Variants in PIGU observed in about 807,000 individuals in gnomAD.
PIGU encodes phosphatidylinositol glycan anchor biosynthesis class U.
PIGU carries 24 observed loss-of-function variants against 49.9 expected under a neutral mutation model. That is an observed-to-expected ratio of 0.48 (90% CI 0.35 to 0.68). The LOEUF (loss-of-function observed/expected upper bound fraction) is 0.68, where lower values mean the gene tolerates loss of function less well. Ranked by LOEUF, PIGU falls within the 30% of genes least tolerant of loss-of-function variation. The pLI, the probability that PIGU is intolerant of heterozygous loss-of-function variation, is 0.01. For synonymous variants in PIGU, 220 were observed against 205.7 expected, an observed-to-expected ratio of 1.07 and a Z score of -0.59; for missense variants, 490 against 532.6, an observed-to-expected ratio of 0.92 and a Z score of 0.79.
At chr20:34,661,212 T>C (rs1474376098) in intron 1 of PIGU, among the ~76,000 whole-genome samples, 1 of 152,188 alleles carries the variant, frequency 6.6e-6, no homozygotes, top group African/African-American at 2.4e-5. Context: ...TTATTTTCCT[T>C]TGCAAATTTT....
intron 8 of PIGU, among the ~76,000 whole-genome samples, chr20:34,587,035 G>A (rs951568766): frequency 6.6e-6 from 1 of 152,102 alleles, no homozygotes; most frequent in Admixed American, 6.5e-5. Flanking sequence ...GGCATAAATG[G>A]GTTAATCCCA....
At chr20:34,599,903 A>G (rs897040720) in intron 7 of PIGU, among the ~76,000 whole-genome samples, 5 of 152,150 alleles carry the variant, frequency 3.3e-5, no homozygotes, top group Non-Finnish European at 1.5e-5. Context: ...ATATGTGGCT[A>G]TTCTAATATA....
rs1488959048 is a variant in PIGU at position 34,584,832 on chromosome 20, C to T, written c.926+605G>A. ...CTTCCAGAGTAGCTGGGACTATAGG[C>T]ACCCGCCACTATACCTGGCAAATTT... is the stretch of plus-strand genomic sequence containing the variant. On this transcript the variant is annotated intron_variant, in intron 9 of 11. Transcript: ENST00000217446. Among the ~76,000 whole-genome samples, 3 of 151,814 alleles carry T rather than the reference C, an allele frequency of 2.0e-5. No individual in the cohort carries two copies. In the East Asian group the frequency reaches 5.8e-4, roughly 29 times the overall value.
chr20:34,659,632 T>C (rs1234206638), intron 1 of PIGU, among the ~76,000 whole-genome samples: 16 of 152,104 alleles, frequency 1.1e-4, no homozygotes, highest in Non-Finnish European at 1.6e-4. Context: ...GGGGAAAAGA[T>C]TGAGAAATCG....
intron 7 of PIGU, among the ~76,000 whole-genome samples, chr20:34,596,027 G>A (rs1345279353): frequency 1.3e-5 from 2 of 152,180 alleles, no homozygotes; most frequent in Non-Finnish European, 2.9e-5. Context: ...GCGAGACCCT[G>A]TCTCAAAAAC....
At chr20:34,593,106 G>A (rs2146718563) in intron 7 of PIGU, among the ~76,000 whole-genome samples, 1 of 152,220 alleles carries the variant, frequency 6.6e-6, no homozygotes, top group Middle Eastern at 3.4e-3. Flanking sequence ...GGAACCAGAG[G>A]AGGGTGGATC....
chr20:34,608,510 T>C (rs971549195), intron 7 of PIGU, among the ~76,000 whole-genome samples: 3 of 152,170 alleles, frequency 2.0e-5, no homozygotes, highest in African/African-American at 7.2e-5. Context: ...TGTTAAGACT[T>C]TGAGGACTAT....
rs115971941 is a variant in PIGU at position 34,669,735 on chromosome 20, C to T, written c.130+7221G>A. On this transcript the variant is annotated intron_variant, in intron 1 of 11. Coordinates refer to ENST00000217446, the MANE Select transcript of PIGU (RefSeq NM_080476.5). ...GTCTCTGGATCCAGCTGCCTATTTG[C>T]AGGAAATAGAGATGATAGAGGAACA... is the stretch of plus-strand genomic sequence containing the variant. Among the ~76,000 whole-genome samples the T allele has an allele frequency of 7.2e-3, 1,091 of 150,958 alleles. 15 individuals carry two copies. The highest frequency in any genetic ancestry group is 0.026 in the African/African-American group (1,055 of 41,116).
intron 3 of PIGU, among the ~76,000 whole-genome samples, chr20:34,644,531 T>C (rs1986271109): frequency 6.6e-6 from 1 of 152,218 alleles, no homozygotes; most frequent in Admixed American, 6.5e-5. Flanking sequence ...CTGCTTTGCA[T>C]GCCTGATGTA....
rs541652801 is a variant in PIGU, at chr20:34,656,792, G to A, written c.195+388C>T. On this transcript the variant is annotated intron_variant, in intron 2 of 11. Transcript: ENST00000217446. ...AAAAAAAAAAAAAGCTAATTTTATG[G>A]GTTAAGTAAGTTTTTCTGGGCTTTC... is the stretch of plus-strand genomic sequence containing the variant. Among the ~76,000 whole-genome samples, 33 of 151,946 alleles carry A rather than the reference G, an allele frequency of 2.2e-4. No homozygotes were observed. In the South Asian group the frequency reaches 6.2e-3, roughly 29 times the overall value.
At chr20:34,620,847 T>C (rs1291829802) in intron 6 of PIGU, among the ~76,000 whole-genome samples, 2 of 149,446 alleles carry the variant, frequency 1.3e-5, no homozygotes, top group Admixed American at 6.6e-5. Context: ...AAAAAACAGT[T>C]CCTGACTCAA....
intron 1 of PIGU, among the ~76,000 whole-genome samples, chr20:34,672,981 G>A (rs978337000): frequency 9.2e-5 from 14 of 151,550 alleles, no homozygotes; most frequent in Non-Finnish European, 1.9e-4. Context: ...TCAGCCCGGC[G>A]TGGTGGCTCA....
In PIGU at chr20:34,616,143, TA is replaced by T. The variant is rs1204092890; in HGVS notation, c.530-5del. On this transcript the variant is annotated splice_region_variant and splice_polypyrimidine_tract_variant and intron_variant, in intron 6 of 11. Transcript: ENST00000217446. ...ATAGCACTGAGGAAAGCACTGCCTGTAAAAAGAAAGAAATGTATGGAATAAT... is the reference window on the plus strand; with the variant it reads ...ATAGCACTGAGGAAAGCACTGCCTGTAAAAGAAAGAAATGTATGGAATAAT... The T allele has an allele frequency of 6.2e-7, 1 of 1,611,970 alleles. No individual in the cohort carries two copies.
intron 11 of PIGU, 90 bp from the exon 12 acceptor site, chr20:34,561,069 AGGAACGCCCCTGCCTGGCTCT>A: frequency 2.3e-6 from 2 of 870,346 alleles, no homozygotes; most frequent in Non-Finnish European, 3.6e-6. Context: ...GTTGGAAGAC[AGGAACGCCCCTGCCTGGCTCT>A]GGATCACAAT....
chr20:34,664,280 A>C (rs915827339), intron 1 of PIGU, among the ~76,000 whole-genome samples: 27 of 152,292 alleles, frequency 1.8e-4, no homozygotes, highest in Middle Eastern at 3.4e-3. Context: ...CCTCCCAAGT[A>C]GCTGGGACTA....
chr20:34,587,794 A>G (rs762299354), intron 8 of PIGU, among the ~76,000 whole-genome samples: 8 of 152,164 alleles, frequency 5.3e-5, no homozygotes, highest in Non-Finnish European at 7.4e-5. Context: ...AGATTCTCCA[A>G]TTCCATCCCT....
intron 11 of PIGU, among the ~76,000 whole-genome samples, chr20:34,567,509 C>T (rs1205165192): frequency 2.0e-5 from 3 of 152,144 alleles, no homozygotes; most frequent in African/African-American, 4.8e-5. Flanking sequence ...AGGCCACCAC[C>T]ACCTCCCCCA....
chr20:34,573,323 C>T (rs3891369), intron 11 of PIGU, among the ~76,000 whole-genome samples: 61,415 of 152,014 alleles, frequency 0.4, 13,803 homozygotes, highest in Non-Finnish European at 0.5. Flanking sequence ...GATCCACCTG[C>T]CTTTGGTTTC....
chr20:34,603,798 T>C (rs1211062109), intron 7 of PIGU, among the ~76,000 whole-genome samples: 1 of 151,750 alleles, frequency 6.6e-6, no homozygotes, highest in African/African-American at 2.4e-5. Flanking sequence ...AGATCATAAT[T>C]TGGGCACTAA....
Sources: allele counts gnomAD v4.1 joint callset (sites outside exome capture counted in the v4.1 genomes callset), GRCh38; gene constraint gnomAD v4.1.1; transcripts MANE v1.5; gene names NCBI Gene and HGNC (gene_info 2026-07-23, HGNC 2026-07-21).